Variants in PRKCB observed in about 807,000 individuals in gnomAD.
The protein encoded by PRKCB is protein kinase C beta.
Under a neutral mutation model 81.5 loss-of-function variants are expected in PRKCB, and 13 were observed. The observed-to-expected ratio is 0.16, with a 90% CI of 0.10 to 0.25. PRKCB has a LOEUF of 0.25. Ranked by LOEUF, PRKCB falls within the 10% of genes least tolerant of loss-of-function variation. The pLI is 1.00. For missense variants in PRKCB, 509 were observed against 875.7 expected (o/e 0.58, Z 5.29); for synonymous variants, 335 against 321.4 (o/e 1.04, Z -0.45).
At chr16:24,202,147 C>T (rs1034307567) in intron 16 of PRKCB, among the ~76,000 whole-genome samples, 2 of 152,040 alleles carry the variant, frequency 1.3e-5, no homozygotes, top group African/African-American at 4.8e-5. Context: ...CTATCCTGGC[C>T]TTCTCCTTTG....
intron 2 of PRKCB, among the ~76,000 whole-genome samples, chr16:23,866,254 G>T (rs1199950106): frequency 6.6e-6 from 1 of 152,144 alleles, no homozygotes; most frequent in African/African-American, 2.4e-5. Flanking sequence ...CAGTCATGGG[G>T]TAATCATTAT....
At chr16:24,208,352 T>C (rs1968080322) in intron 16 of PRKCB, 1 of 152,166 alleles carries the variant, frequency 6.6e-6, no homozygotes, top group Non-Finnish European at 1.5e-5. Context: ...ACAGCAAGAC[T>C]CTGTTATTAA....
chr16:23,907,118 T>C (rs1331723415), intron 2 of PRKCB, among the ~76,000 whole-genome samples: 1 of 152,208 alleles, frequency 6.6e-6, no homozygotes, highest in Admixed American at 6.5e-5. Flanking sequence ...CCATGTAGTG[T>C]AGGATGTTTA....
chr16:24,149,814 A>G (rs1465540836), intron 9 of PRKCB, among the ~76,000 whole-genome samples: 1 of 152,196 alleles, frequency 6.6e-6, no homozygotes, highest in Non-Finnish European at 1.5e-5. Flanking sequence ...CCTATGTAAT[A>G]ATTTTGTTTT....
chr16:23,855,945 C>T (rs550987741), intron 2 of PRKCB, among the ~76,000 whole-genome samples: 51 of 152,254 alleles, frequency 3.3e-4, no homozygotes, highest in African/African-American at 1.1e-3. Flanking sequence ...TGCCTTGTCC[C>T]TATAGATGGT....
chr16:24,096,664 AAAATATATATATATAT>A (rs58367095), intron 7 of PRKCB, among the ~76,000 whole-genome samples: 31,936 of 85,798 alleles, frequency 0.37, 5,554 homozygotes, highest in East Asian at 0.56. Context: ...AAAAAAAAAA[AAAATATATATATATAT>A]ATATATATAT....
chr16:23,887,380 T>C (rs1307791742), intron 2 of PRKCB, among the ~76,000 whole-genome samples: 1 of 152,206 alleles, frequency 6.6e-6, no homozygotes, highest in Admixed American at 6.5e-5. Flanking sequence ...CCAGTGTCTG[T>C]TGTTTCCATA....
chr16:24,163,686 G>A (rs1284223353), intron 10 of PRKCB, among the ~76,000 whole-genome samples: 1 of 152,258 alleles, frequency 6.6e-6, no homozygotes, highest in Non-Finnish European at 1.5e-5. Flanking sequence ...CAGAGGAAGG[G>A]AAAGTTGTGT....
At chr16:24,052,943 G>A (rs1398133331) in intron 5 of PRKCB, among the ~76,000 whole-genome samples, 2 of 152,156 alleles carry the variant, frequency 1.3e-5, no homozygotes, top group Admixed American at 6.5e-5. Flanking sequence ...AGTCACTCTG[G>A]TTCAAACATC....
At chr16:23,963,605 A>G (rs1326447493) in intron 2 of PRKCB, 2 of 152,074 alleles carry the variant, frequency 1.3e-5, no homozygotes, top group Non-Finnish European at 2.9e-5. Context: ...GCTGGAACCA[A>G]CCCTCCTGTA....
At chr16:24,008,799 GC>G (rs1965162711) in intron 3 of PRKCB, among the ~76,000 whole-genome samples, 1 of 152,162 alleles carries the variant, frequency 6.6e-6, no homozygotes, top group South Asian at 2.1e-4. Context: ...GATCTCTGGG[GC>G]TTATTCATCA....
intron 2 of PRKCB, among the ~76,000 whole-genome samples, chr16:23,962,302 G>T (rs529007126): frequency 6.6e-6 from 1 of 152,178 alleles, no homozygotes; most frequent in South Asian, 2.1e-4. Flanking sequence ...CCCTGTCTTT[G>T]TCAGTGGTGC....
intron 2 of PRKCB, among the ~76,000 whole-genome samples, chr16:23,868,622 C>T (rs561121625): frequency 6.6e-6 from 1 of 152,336 alleles, no homozygotes; most frequent in African/African-American, 2.4e-5. Context: ...TAACAAAACG[C>T]ATGCTCTTAA....
chr16:24,173,940 C>T (rs1967486989), intron 11 of PRKCB, among the ~76,000 whole-genome samples: 1 of 151,980 alleles, frequency 6.6e-6, no homozygotes, highest in South Asian at 2.1e-4. Flanking sequence ...GATGGTAAAC[C>T]TTCAACAGAT....
chr16:23,880,106 C>G (rs1010778845), intron 2 of PRKCB, among the ~76,000 whole-genome samples: 1 of 152,138 alleles, frequency 6.6e-6, no homozygotes, highest in African/African-American at 2.4e-5. Context: ...CTGGGGGAAT[C>G]GAATCCCCAC....
At chr16:24,061,424 CA>C (rs1377009742) in intron 5 of PRKCB, among the ~76,000 whole-genome samples, 1 of 152,042 alleles carries the variant, frequency 6.6e-6, no homozygotes, top group Non-Finnish European at 1.5e-5. Flanking sequence ...CTGATATATA[CA>C]GTTTTTCAGA....
chr16:23,852,338 T>C (rs1962486994), intron 2 of PRKCB, among the ~76,000 whole-genome samples: 1 of 152,254 alleles, frequency 6.6e-6, no homozygotes, highest in South Asian at 2.1e-4. Context: ...TTAATTTTTT[T>C]CAAGTGCTTT....
chr16:24,168,549 T>C (rs1474486395), intron 10 of PRKCB, among the ~76,000 whole-genome samples: 1 of 79,624 alleles, frequency 1.3e-5, no homozygotes, highest in African/African-American at 6.9e-5. Context: ...TACTTTTTTT[T>C]TTTTTTTTTT....
At chr16:23,965,130 G>C (rs1051059647) in intron 2 of PRKCB, among the ~76,000 whole-genome samples, 2 of 152,214 alleles carry the variant, frequency 1.3e-5, no homozygotes, top group African/African-American at 4.8e-5. Flanking sequence ...GTACCTGATA[G>C]TAGTTTTTGA....
Sources: gnomAD v4.1 joint callset for allele counts (sites outside exome capture counted in the v4.1 genomes callset) on GRCh38, gnomAD v4.1.1 for gene constraint, MANE v1.5 for transcripts, NCBI Gene and HGNC (gene_info 2026-07-23, HGNC 2026-07-21) for gene names.